ZNF420: variants seen among roughly 807,000 people sequenced by gnomAD.
The protein encoded by ZNF420 is ATM and p53-associated KZNF protein.
A neutral mutation model predicts 44.7 loss-of-function variants in ZNF420; 31 were observed. The ratio of observed to expected loss-of-function variants is 0.69; its 90% CI spans 0.52 to 0.94. The LOEUF (loss-of-function observed/expected upper bound fraction) is 0.94, where lower values mean the gene tolerates loss of function less well. Ranked by LOEUF, ZNF420 falls within the 40% of genes least tolerant of loss-of-function variation. The pLI, the probability that ZNF420 is intolerant of heterozygous loss-of-function variation, is 0.00. For synonymous variants in ZNF420, 245 were observed against 267.4 expected, an observed-to-expected ratio of 0.92 and a Z score of 0.82; for missense variants, 681 against 827.9, an observed-to-expected ratio of 0.82 and a Z score of 2.18.
intron 1 of ZNF420, among the ~76,000 whole-genome samples, chr19:37,014,018 A>G (rs1031518093): frequency 6.6e-6 from 1 of 152,170 alleles, no homozygotes; most frequent in African/African-American, 2.4e-5. Flanking sequence ...GCCAAGGAAA[A>G]GCAAATCACA....
At chr19:37,081,798 G>A (rs1169836362) in intron 2 of ZNF420, among the ~76,000 whole-genome samples, 1 of 146,152 alleles carries the variant, frequency 6.8e-6, no homozygotes, top group Non-Finnish European at 1.5e-5. Context: ...TGCCCACCTC[G>A]GCCTCCCAAA....
At chr19:37,033,665 A>G (rs768782469) in intron 1 of ZNF420, among the ~76,000 whole-genome samples, 1 of 152,346 alleles carries the variant, frequency 6.6e-6, no homozygotes, top group Non-Finnish European at 1.5e-5. Flanking sequence ...TGAATTTGCA[A>G]ATATCTGTTG....
chr19:37,069,053 A>C (rs1441218795), intron 1 of ZNF420, among the ~76,000 whole-genome samples: 1 of 152,224 alleles, frequency 6.6e-6, no homozygotes, highest in Admixed American at 6.5e-5. Context: ...AGATACAATC[A>C]GTAAGATTAT....
At chr19:37,074,125 T>C (rs1968108603), upstream of ZNF420, among the ~76,000 whole-genome samples, 1 of 152,128 alleles carries the variant, frequency 6.6e-6, no homozygotes, top group Admixed American at 6.6e-5. Context: ...ATTAAAACCA[T>C]CAGGTAAAAG....
At chr19:37,010,022 G>T (rs947409188) in intron 1 of ZNF420, among the ~76,000 whole-genome samples, 4 of 152,192 alleles carry the variant, frequency 2.6e-5, no homozygotes, top group Admixed American at 6.5e-5. Flanking sequence ...GTTCGAGGGG[G>T]CCTCAGCCTG....
intron 4 of ZNF420, chr19:37,091,584 AGAAC>A (rs1325087505): frequency 6.6e-6 from 1 of 152,480 alleles, no homozygotes; most frequent in Non-Finnish European, 1.5e-5. Flanking sequence ...CCCATTAATT[AGAAC>A]AAACACATTG....
In ZNF420 at chr19:37,037,948, G is replaced by A. The variant is rs895835227; in HGVS notation, c.-125+29866G>A. ...AAAGAAGAGCTGGAGTAAGGACCTG[G>A]GTGTGGGTGGTTTATTTGGGAAGTG... On this transcript the variant is annotated intron_variant, in intron 1 of 4. Coordinates refer to the ZNF420 transcript ENST00000587029. 2.0e-5 allele frequency among the ~76,000 whole-genome samples: 3 copies of A among 152,150 alleles called. No homozygotes were observed. The East Asian group carries it at 5.8e-4, about 29-fold the overall frequency.
chr19:37,121,011 G>T (rs1170678712), intron 4 of ZNF420, among the ~76,000 whole-genome samples: 1 of 151,828 alleles, frequency 6.6e-6, no homozygotes, highest in Non-Finnish European at 1.5e-5. Context: ...CATGCTCATG[G>T]GTTGGAAGAA....
At chr19:37,094,380 G>C (rs373722308) in intron 4 of ZNF420, among the ~76,000 whole-genome samples, 2 of 151,940 alleles carry the variant, frequency 1.3e-5, no homozygotes, top group Non-Finnish European at 2.9e-5. Flanking sequence ...TTTGGAAAAC[G>C]TACAGTATTT....
At chr19:37,015,526 G>A (rs2074603150) in intron 1 of ZNF420, among the ~76,000 whole-genome samples, 1 of 152,212 alleles carries the variant, frequency 6.6e-6, no homozygotes, top group Non-Finnish European at 1.5e-5. Context: ...AGGAGCTTAA[G>A]GATGTCAGAT....
chr19:37,087,295 A>AAT (rs1555756812), intron 2 of ZNF420, among the ~76,000 whole-genome samples: 3 of 65,338 alleles, frequency 4.6e-5, no homozygotes, highest in Admixed American at 1.6e-4. Context: ...AAAAAAAAAT[A>AAT]AATAAATAAA....
intron 1 of ZNF420, among the ~76,000 whole-genome samples, chr19:37,052,670 A>G (rs1436433332): frequency 2.6e-5 from 4 of 152,166 alleles, no homozygotes; most frequent in South Asian, 2.1e-4. Context: ...TCTTTTCTTT[A>G]AGAATGTTGA....
chr19:37,101,764 A>C (rs1017594509), intron 4 of ZNF420, among the ~76,000 whole-genome samples: 3 of 152,244 alleles, frequency 2.0e-5, no homozygotes, highest in African/African-American at 7.2e-5. Flanking sequence ...GAGTCCAGAC[A>C]GGGACCTGAG....
intron 1 of ZNF420, among the ~76,000 whole-genome samples, chr19:37,030,176 G>GTTT (rs1568423840): frequency 6.6e-6 from 1 of 151,594 alleles, no homozygotes; most frequent in Admixed American, 6.6e-5. Context: ...TGTTGTTGTT[G>GTTT]TTTGAGAGGG....
chr19:37,030,065 C>T (rs1224669649), intron 1 of ZNF420, among the ~76,000 whole-genome samples: 4 of 152,112 alleles, frequency 2.6e-5, no homozygotes, highest in African/African-American at 9.7e-5. Context: ...ATTGTTCATC[C>T]TACGTATCTG....
chr19:37,075,734 T>TC (rs1968135413), upstream of ZNF420, among the ~76,000 whole-genome samples: 3 of 151,960 alleles, frequency 2.0e-5, no homozygotes, highest in African/African-American at 7.3e-5. Flanking sequence ...AGAGTGAGAC[T>TC]CTGTCTCAAA....
At chr19:37,114,442 T>G (rs2146682803) in intron 4 of ZNF420, among the ~76,000 whole-genome samples, 1 of 152,244 alleles carries the variant, frequency 6.6e-6, no homozygotes, top group African/African-American at 2.4e-5. Flanking sequence ...TTTCCCTATT[T>G]GATATTCTTT....
intron 4 of ZNF420, among the ~76,000 whole-genome samples, chr19:37,114,610 T>G (rs1480010251): frequency 6.6e-6 from 1 of 152,228 alleles, no homozygotes; most frequent in Admixed American, 6.5e-5. Context: ...TATCACTTCC[T>G]GTAATTGATT....
chr19:37,120,976 G>A (rs1363058875), intron 4 of ZNF420, among the ~76,000 whole-genome samples: 1 of 151,952 alleles, frequency 6.6e-6, no homozygotes, highest in African/African-American at 2.4e-5. Flanking sequence ...AATAAAAGAG[G>A]ATACAAACAA....
Sources: gnomAD v4.1 joint callset for allele counts (sites outside exome capture counted in the v4.1 genomes callset) on GRCh38, gnomAD v4.1.1 for gene constraint, MANE v1.5 for transcripts, NCBI Gene and HGNC (gene_info 2026-07-23, HGNC 2026-07-21) for gene names.